ARHGEF26: variants seen among roughly 807,000 people sequenced by gnomAD.
ARHGEF26 encodes Rho guanine nucleotide exchange factor (GEF) 26.
In ARHGEF26, 59 loss-of-function variants were observed where a neutral mutation model predicts 89.4. The observed-to-expected ratio is 0.66, with a 90% confidence interval of 0.54 to 0.82. ARHGEF26 has a LOEUF of 0.82. ARHGEF26 is among the 40% of genes least tolerant of loss of function. ARHGEF26 has a pLI of 0.00. For missense variants in ARHGEF26, 1,234 were observed against 1,085.6 expected, an observed-to-expected ratio of 1.14 and a Z score of -1.92; for synonymous variants, 500 against 428.4, an observed-to-expected ratio of 1.17 and a Z score of -2.06.
intron 9 of ARHGEF26, among the ~76,000 whole-genome samples, chr3:154,196,843 A>G (rs1329793788): frequency 1.3e-5 from 2 of 152,092 alleles, no homozygotes; most frequent in Non-Finnish European, 2.9e-5. Flanking sequence ...CTTGGACATA[A>G]ATGGGATTTT....
At position 154,191,301 on chromosome 3, in the gene ARHGEF26, A is replaced by G. The variant is rs753860352; in HGVS notation, c.1653A>G (p.Pro551=). 5.0e-6 allele frequency: 8 copies of G among 1,611,220 alleles called. No homozygotes were observed. The Admixed American group carries it at 1.3e-4, about 27-fold the overall frequency. The change falls in exon 8 of 15, where the codon CCA becomes CCG. Residue 551 remains proline, a synonymous_variant. Coordinates refer to ENST00000465093, the MANE Select transcript of ARHGEF26 (RefSeq NM_015595.4). ...RTLQKLLATN[P]SFKEVLSRIE... ...TGTTTTCCCTCAGAGCTACCAATCCATCCTTTAAGGAAGTATTGTCAAGGA... is the reference window on the plus strand; with the variant it reads ...TGTTTTCCCTCAGAGCTACCAATCCGTCCTTTAAGGAAGTATTGTCAAGGA...
chr3:154,192,401 A>G (rs950729251), intron 8 of ARHGEF26, among the ~76,000 whole-genome samples: 6 of 152,258 alleles, frequency 3.9e-5, no homozygotes, highest in Non-Finnish European at 7.3e-5. Context: ...GTGTAAAAGC[A>G]TGGAATCATG....
chr3:154,191,533 C>A, intron 8 of ARHGEF26, 115 bp downstream of exon 8: 1 of 1,260,494 alleles, frequency 7.9e-7, no homozygotes, highest in East Asian at 2.5e-5. Context: ...CTAAAAATCC[C>A]CCAATTAAGT....
chr3:154,236,528 A>C (rs942760200), intron 11 of ARHGEF26, among the ~76,000 whole-genome samples: 1 of 152,194 alleles, frequency 6.6e-6, no homozygotes, highest in African/African-American at 2.4e-5. Flanking sequence ...CATGTTCCAA[A>C]TTGTTTCAGA....
At chr3:154,150,165 T>G (rs1337506623) in intron 5 of ARHGEF26, among the ~76,000 whole-genome samples, 2 of 129,842 alleles carry the variant, frequency 1.5e-5, no homozygotes, top group East Asian at 2.4e-4. Flanking sequence ...TGGCATAGAA[T>G]AAAGTGAAAT....
intron 9 of ARHGEF26, among the ~76,000 whole-genome samples, chr3:154,200,665 A>G (rs1032492825): frequency 6.6e-5 from 10 of 151,390 alleles, no homozygotes; most frequent in African/African-American, 2.2e-4. Context: ...ACTTTTTAAT[A>G]ATTTTAATTT....
At chr3:154,229,438 C>T (rs1716698128) in intron 11 of ARHGEF26, among the ~76,000 whole-genome samples, 1 of 152,156 alleles carries the variant, frequency 6.6e-6, no homozygotes, top group Admixed American at 6.5e-5. Flanking sequence ...TAGCCTGGTT[C>T]TACCAGATTT....
intron 6 of ARHGEF26, among the ~76,000 whole-genome samples, chr3:154,169,163 G>C (rs1712251960): frequency 6.6e-6 from 1 of 152,036 alleles, no homozygotes; most frequent in South Asian, 2.1e-4. Context: ...TCTCAATGGG[G>C]GCCTGCACTC....
intron 9 of ARHGEF26, among the ~76,000 whole-genome samples, chr3:154,204,282 C>T (rs2108218111): frequency 7.0e-6 from 1 of 143,882 alleles, no homozygotes; most frequent in African/African-American, 2.5e-5. Flanking sequence ...TATTTGTTTT[C>T]TACCAATTTT....
At chr3:154,211,296 G>T (rs1336338713) in intron 9 of ARHGEF26, among the ~76,000 whole-genome samples, 1 of 152,118 alleles carries the variant, frequency 6.6e-6, no homozygotes, top group Non-Finnish European at 1.5e-5. Context: ...GTAGGCCTTG[G>T]TGGTGAGAAC....
Position 154,187,770 on chromosome 3 carries a change from A to G in ARHGEF26, c.1573A>G (p.Thr525Ala), listed in dbSNP as rs1365994818. Residue 525 changes from threonine to alanine, a missense_variant, in exon 7 of 15, where the codon ACA becomes GCA. Transcript: ENST00000465093. ...CATTGTGGAAAAACACACAGCATCC[A>G]CATTTGACCCATATGTGAAATACTG... is the stretch of plus-strand genomic sequence containing the variant. Reference protein sequence around the residue: ...SDIVEKHTASTFDPYVKYCTN... With the variant: ...SDIVEKHTASAFDPYVKYCTN... 1.2e-6 allele frequency: 2 copies of G among 1,612,418 alleles called. No homozygotes were observed. Among genetic ancestry groups the G allele is most frequent in the Non-Finnish European group, 1.7e-6 (2 of 1,179,092 alleles).
Position 154,122,383 on chromosome 3 carries a change from G to C in ARHGEF26, c.391G>C (p.Gly131Arg). Residue 131 changes from glycine to arginine, a missense_variant, in exon 2 of 15, where the codon GGC becomes CGC. Gly to Arg is a moderately radical substitution (Grantham distance 125). Transcript: ENST00000465093. ...PGGSPKSPAN[G>R]AVTLPAPPPP... ...CGGCTCCCCGAAATCCCCAGCAAAT[G>C]GCGCGGTGACCTTGCCTGCGCCGCC... 6.2e-7 allele frequency: 1 copy of C among 1,612,030 alleles called. No homozygotes were observed. Among genetic ancestry groups the C allele is most frequent in the Non-Finnish European group, 8.5e-7 (1 of 1,179,478 alleles).
chr3:154,213,013 A>G (rs949142183), intron 9 of ARHGEF26, among the ~76,000 whole-genome samples: 4 of 152,160 alleles, frequency 2.6e-5, no homozygotes, highest in South Asian at 2.1e-4. Context: ...AAACACAAGA[A>G]TGTTTTAAAT....
At chr3:154,181,172 CA>C (rs1448998387) in intron 6 of ARHGEF26, among the ~76,000 whole-genome samples, 3 of 152,256 alleles carry the variant, frequency 2.0e-5, no homozygotes, top group African/African-American at 7.2e-5. Context: ...TACTTACCGG[CA>C]GCAGAATATA....
intron 6 of ARHGEF26, among the ~76,000 whole-genome samples, chr3:154,185,642 A>G (rs552203615): frequency 1.3e-5 from 2 of 152,282 alleles, no homozygotes; most frequent in Admixed American, 6.5e-5. Context: ...CCATCAGTTA[A>G]GGGTTATTGT....
At position 154,240,433 on chromosome 3, in the gene ARHGEF26, C is replaced by A; in HGVS notation, c.2154C>A (p.Asp718Glu). The change falls in exon 12 of 15, where the codon GAC (aspartate) becomes GAA (glutamate). Residue 718 changes from aspartate (D) to glutamate (E), a missense_variant. Physicochemically the swap from Asp to Glu is conservative, Grantham distance 45 (BLOSUM62 2). Transcript: ENST00000465093. ...LRDQLLVESC[D>E]NEELNSSPGK... ...ATCAGCTATTGGTGGAATCTTGTGA[C>A]AATGAAGAGCTTAATTCTTCTCCAG... 1 of 1,613,636 alleles carries A rather than the reference C, an allele frequency of 6.2e-7. No homozygotes were observed. The highest frequency in any genetic ancestry group is 8.5e-7 in the Non-Finnish European group (1 of 1,179,714).
In ARHGEF26 at chr3:154,187,728, A is replaced by T. The variant is rs561487483; in HGVS notation, c.1531A>T (p.Ile511Leu). The T allele has an allele frequency of 6.1e-5, 98 of 1,611,124 alleles. No homozygotes were observed. The Admixed American group carries it at 1.0e-3, about 17-fold the overall frequency. ...LEARHQNNIFIDDISDIVEKH... is the reference protein window; with the variant it reads ...LEARHQNNIFLDDISDIVEKH... ...AGCAAGACATCAGAATAATATCTTC[A>T]TAGATGACATAAGTGACATTGTGGA... Residue 511 changes from isoleucine to leucine, a missense_variant, in exon 7 of 15, where the codon ATA (isoleucine) becomes TTA (leucine). Ile to Leu is a conservative substitution (Grantham distance 5). Coordinates refer to ENST00000465093, the MANE Select transcript of ARHGEF26 (RefSeq NM_015595.4).
intron 9 of ARHGEF26, among the ~76,000 whole-genome samples, chr3:154,202,796 C>T (rs1403969257): frequency 4.6e-5 from 1 of 21,728 alleles, no homozygotes; most frequent in Non-Finnish European, 7.1e-5. Flanking sequence ...TGATTTGGCT[C>T]TCTGTCTGTT....
intron 9 of ARHGEF26, among the ~76,000 whole-genome samples, chr3:154,198,723 G>A (rs1237700955): frequency 1.3e-5 from 2 of 151,986 alleles, no homozygotes; most frequent in Admixed American, 1.3e-4. Context: ...ATGGGGACTT[G>A]GGGAGAAGGG....
Sources: allele counts gnomAD v4.1 joint callset (sites outside exome capture counted in the v4.1 genomes callset), GRCh38; gene constraint gnomAD v4.1.1; transcripts MANE v1.5; gene names NCBI Gene and HGNC (gene_info 2026-07-23, HGNC 2026-07-21).